CPEB3: variants seen among roughly 807,000 people sequenced by gnomAD.
The protein encoded by CPEB3 is cytoplasmic polyadenylation element binding protein 3.
A neutral mutation model predicts 67.2 loss-of-function variants in CPEB3; 20 were observed. That is an observed-to-expected ratio of 0.30 (90% confidence interval 0.21 to 0.43). CPEB3 has a LOEUF of 0.43. CPEB3 is among the 20% of genes least tolerant of loss of function. The probability of loss-of-function intolerance (pLI) is 1.00; values close to 1 mark genes in which losing one functional copy is unlikely to be tolerated. For synonymous variants in CPEB3, 376 were observed against 393.1 expected (o/e 0.96, Z 0.51); for missense variants, 746 against 968.6 (o/e 0.77, Z 3.05).
chr10:92,139,790 C>A lies in CPEB3; in HGVS notation c.1453+3239G>T, dbSNP rs564063279. Reference sequence around the variant, plus strand: ...ATACTGTATGCCTATATCAAAATATCTCAGCTGGGCATGGTGGCTCACACC... The same window carrying A: ...ATACTGTATGCCTATATCAAAATATATCAGCTGGGCATGGTGGCTCACACC... On this transcript the variant is annotated intron_variant, in intron 6 of 9. Transcript: ENST00000265997. Among the ~76,000 whole-genome samples the A allele has an allele frequency of 6.6e-5, 10 of 152,124 alleles. No individual in the cohort carries two copies. In the East Asian group the frequency reaches 1.9e-3, roughly 29 times the overall value.
Position 92,239,283 on chromosome 10 carries a change from T to A in CPEB3, c.1005+63A>T. Reference sequence around the variant, plus strand: ...ATATAAGCGGGTGGATGATTAAAAGTCAGAGAAGTGGCAAAAGGAGCGGGG... The same window carrying A: ...ATATAAGCGGGTGGATGATTAAAAGACAGAGAAGTGGCAAAAGGAGCGGGG... On this transcript the variant is annotated intron_variant, in intron 2 of 9. Transcript: ENST00000265997. This position sits in a 1 kb window ranked among gnomAD's most constrained non-coding sequence, Gnocchi z 6.0. 1 of 1,532,020 alleles carries A rather than the reference T, an allele frequency of 6.5e-7. No homozygotes were observed. The highest frequency in any genetic ancestry group is 8.9e-7 in the Non-Finnish European group (1 of 1,129,254). 94.9% of individuals were successfully genotyped at this position (1,532,020 alleles called of 1,614,324 possible).
chr10:92,290,039 A>G (rs1042280687), intron 1 of CPEB3, among the ~76,000 whole-genome samples: 1 of 151,076 alleles, frequency 6.6e-6, no homozygotes, highest in Non-Finnish European at 1.5e-5. Flanking sequence ...TGAACACTCT[A>G]GTTCAAATAT....
At position 92,137,726 on chromosome 10, in the gene CPEB3, C is replaced by T. The variant is rs949161116; in HGVS notation, c.1453+5303G>A. ...GAAGGTGGATTGGCTCGGCTGGGTG[C>T]AGTGGCTCACGCCTGTAATCCCAGC... On this transcript the variant is annotated intron_variant, in intron 6 of 9. Coordinates refer to ENST00000265997, the MANE Select transcript of CPEB3 (RefSeq NM_014912.5). 2.5e-5 allele frequency: 10 copies of T among 398,766 alleles called. No homozygotes were observed. The South Asian group carries it at 2.6e-4, about 10-fold the overall frequency. 24.7% of individuals were successfully genotyped at this position (398,766 alleles called of 1,614,324 possible).
intron 1 of CPEB3, among the ~76,000 whole-genome samples, chr10:92,252,178 T>G (rs954400803): frequency 2.6e-5 from 4 of 151,166 alleles, no homozygotes; most frequent in Non-Finnish European, 5.9e-5. Context: ...AAAAAGCATA[T>G]GAAAAGGTGC....
rs1564855307 is a variant in CPEB3 at position 92,195,046 on chromosome 10, A to ACACACAC, written c.1006-2411_1006-2410insGTGTGTG. Among the ~76,000 whole-genome samples the ACACACAC allele has an allele frequency of 7.0e-3, 815 of 117,098 alleles. 7 individuals are homozygous for ACACACAC. Among genetic ancestry groups the ACACACAC allele is most frequent in the African/African-American group, 0.021 (746 of 35,002 alleles). The allele number at this position is 117,098 out of a possible 152,430, so 76.8% of individuals were successfully genotyped here. ...GCGACAGAGCGAGACTGTCTCAAAA[A>ACACACAC]ACACACACACACACACACACACACA... On this transcript the variant is annotated intron_variant, in intron 2 of 9. Transcript: ENST00000265997.
chr10:92,238,477 T>A (rs1165654582), intron 2 of CPEB3, among the ~76,000 whole-genome samples: 2 of 152,206 alleles, frequency 1.3e-5, no homozygotes, highest in African/African-American at 4.8e-5. Flanking sequence ...GACTTTCACT[T>A]TGCCCAGTTT....
chr10:92,203,772 T>G (rs1849651343), intron 2 of CPEB3, among the ~76,000 whole-genome samples: 1 of 151,926 alleles, frequency 6.6e-6, no homozygotes, highest in Admixed American at 6.6e-5. Context: ...CTCCACTGAC[T>G]GCGGCTTGAC....
intron 6 of CPEB3, among the ~76,000 whole-genome samples, chr10:92,128,206 C>T (rs1428236184): frequency 6.6e-6 from 1 of 152,200 alleles, no homozygotes; most frequent in African/African-American, 2.4e-5. Flanking sequence ...CCAAGAGAAG[C>T]ATTACTTCTA....
intron 6 of CPEB3, 137 bp from the exon 7 acceptor site, chr10:92,111,331 T>C: frequency 1.5e-6 from 1 of 686,822 alleles, no homozygotes; most frequent in South Asian, 1.7e-5. Context: ...CAAAGGGACT[T>C]TGTCCAGGAA....
At chr10:92,159,036 A>G (rs1350740587) in intron 4 of CPEB3, among the ~76,000 whole-genome samples, 1 of 150,582 alleles carries the variant, frequency 6.6e-6, no homozygotes, top group African/African-American at 2.4e-5. Flanking sequence ...CCAGGGCAGG[A>G]GGATCATTTG....
At position 92,052,221 on chromosome 10, in the gene CPEB3, G is replaced by A; in HGVS notation, c.2088C>T (p.Arg696=). 6.2e-7 allele frequency: 1 copy of A among 1,613,118 alleles called. No individual in the cohort carries two copies. Among genetic ancestry groups the A allele is most frequent in the East Asian group, 2.2e-5 (1 of 44,872 alleles). ...GGDRPRHVPF[R]WS The stretch of plus-strand genomic sequence containing the variant: ...TGGGTCGGCCCGTGGCTCAGCTCCA[G>A]CGGAACGGGACGTGACGAGGGCGGT... The change falls in exon 10 of 10, where the codon CGC becomes CGT. Residue 696 remains arginine, a synonymous_variant. Transcript: ENST00000265997.
chr10:92,249,316 T>C (rs1030051864), intron 1 of CPEB3, among the ~76,000 whole-genome samples: 11 of 151,504 alleles, frequency 7.3e-5, no homozygotes, highest in African/African-American at 2.7e-4. Flanking sequence ...AAGGCAGAGG[T>C]TGCAGTGAGC....
chr10:92,235,517 T>A (rs1851488168), intron 2 of CPEB3, among the ~76,000 whole-genome samples: 1 of 152,202 alleles, frequency 6.6e-6, no homozygotes, highest in East Asian at 1.9e-4. Flanking sequence ...ACAGTAAGAA[T>A]AATCATAACC....
rs574922530 is a variant in CPEB3, at chr10:92,113,021, T to C, written c.1454-1827A>G. ...GCCTTTTCTCCAACTCCCCATCTACTATACAGAGCATCCAGGCAAATATAG... is the reference window on the plus strand; with the variant it reads ...GCCTTTTCTCCAACTCCCCATCTACCATACAGAGCATCCAGGCAAATATAG... On this transcript the variant is annotated intron_variant, in intron 6 of 9. Coordinates refer to ENST00000265997, the MANE Select transcript of CPEB3 (RefSeq NM_014912.5). Among the ~76,000 whole-genome samples, 11 of 152,254 alleles carry C rather than the reference T, an allele frequency of 7.2e-5. No individual in the cohort carries two copies. In the South Asian group the frequency reaches 2.3e-3, roughly 32 times the overall value.
chr10:92,285,553 G>T (rs1842491365), intron 1 of CPEB3, among the ~76,000 whole-genome samples: 1 of 152,218 alleles, frequency 6.6e-6, no homozygotes, highest in Non-Finnish European at 1.5e-5. Flanking sequence ...TTACAGGCAT[G>T]AGCCACCGTG....
At chr10:92,216,554 G>A (rs1850409934) in intron 2 of CPEB3, 1 of 1,612,546 alleles carries the variant, frequency 6.2e-7, no homozygotes, top group African/African-American at 1.3e-5. Context: ...CAACAAAGGA[G>A]AAAAAGGGAT....
intron 1 of CPEB3, among the ~76,000 whole-genome samples, chr10:92,251,279 G>A (rs1852291504): frequency 6.6e-6 from 1 of 151,896 alleles, no homozygotes; most frequent in Non-Finnish European, 1.5e-5. Flanking sequence ...CCCCTTTGTT[G>A]GTAAGCAACA....
At chr10:92,275,150 G>T (rs1841921814) in intron 1 of CPEB3, among the ~76,000 whole-genome samples, 1 of 152,118 alleles carries the variant, frequency 6.6e-6, no homozygotes, top group Non-Finnish European at 1.5e-5. Context: ...TTAGCTCTGG[G>T]TTTCTCAACC....
At chr10:92,141,401 T>A (rs1171141000) in intron 6 of CPEB3, among the ~76,000 whole-genome samples, 11 of 150,936 alleles carry the variant, frequency 7.3e-5, no homozygotes, top group Non-Finnish European at 1.6e-4. Flanking sequence ...AAACACTGCA[T>A]GTTCTCACTC....
Sources: gnomAD v4.1 joint callset for allele counts (sites outside exome capture counted in the v4.1 genomes callset) on GRCh38, gnomAD v4.1.1 for gene constraint, Gnocchi (gnomAD v3.1) non-coding constraint, MANE v1.5 for transcripts, NCBI Gene and HGNC (gene_info 2026-07-23, HGNC 2026-07-21) for gene names.